IL2RB: variants seen among roughly 807,000 people sequenced by gnomAD.
IL2RB encodes interleukin 2 receptor subunit beta.
IL2RB carries 17 observed loss-of-function variants against 44.2 expected under a neutral mutation model. The ratio of observed to expected loss-of-function variants is 0.38; its 90% CI spans 0.26 to 0.58. The LOEUF (loss-of-function observed/expected upper bound fraction) is 0.58. Among genes scored for constraint, IL2RB ranks in the 20% least tolerant of loss-of-function variants. IL2RB has a pLI of 0.63. For missense variants in IL2RB, 624 were observed against 685.5 expected, an observed-to-expected ratio of 0.91 and a Z score of 1.00; for synonymous variants, 286 against 297.9, an observed-to-expected ratio of 0.96 and a Z score of 0.41.
chr22:37,156,100 C>G (rs1922671621), intron 1 of IL2RB, among the ~76,000 whole-genome samples: 1 of 152,234 alleles, frequency 6.6e-6, no homozygotes, highest in Non-Finnish European at 1.5e-5. Context: ...CCCTTGCGCT[C>G]AGCCTCCCTC....
Position 37,128,950 on chromosome 22 carries a change from C to T in IL2RB, c.904-102G>A, listed in dbSNP as rs80051711. 36,236 of 1,358,086 alleles carry T rather than the reference C, an allele frequency of 0.027. 586 individuals are homozygous for T. Among genetic ancestry groups the T allele is most frequent in the Middle Eastern group, 0.036 (135 of 3,788 alleles). 84.1% of individuals were successfully genotyped at this position (1,358,086 alleles called of 1,614,324 possible). On this transcript the variant is annotated intron_variant, in intron 9 of 9. Transcript: ENST00000216223. The surrounding 1 kb of genome is among the most constrained non-coding windows in gnomAD (Gnocchi z 4.5). ...CTCCTAACTCCTCCTCCTCCTGAAG[C>T]AGTTGGCCCAGGGCTGCCCCATCCA...
intron 3 of IL2RB, among the ~76,000 whole-genome samples, chr22:37,143,172 CCCT>C (rs1922050409): frequency 6.6e-6 from 1 of 152,110 alleles, no homozygotes; most frequent in East Asian, 1.9e-4. Context: ...AGCTTGGGGA[CCCT>C]CCTTTCTCCC....
intron 7 of IL2RB, 43 bp downstream of exon 7, chr22:37,136,185 C>T (rs1371157599): frequency 1.9e-6 from 3 of 1,575,350 alleles, no homozygotes; most frequent in East Asian, 2.3e-5. Context: ...CCAGCCGCCC[C>T]CTCCTGCCTG....
chr22:37,169,435 C>A (rs1923200234), intron 1 of IL2RB, among the ~76,000 whole-genome samples: 1 of 152,170 alleles, frequency 6.6e-6, no homozygotes, highest in Non-Finnish European at 1.5e-5. Context: ...CAGAGGGGTT[C>A]ATATTTGTTA....
At chr22:37,164,928 T>C (rs1923017792) in intron 1 of IL2RB, among the ~76,000 whole-genome samples, 1 of 151,854 alleles carries the variant, frequency 6.6e-6, no homozygotes. Flanking sequence ...GCATCAGCAT[T>C]CCCTGAGAGC....
chr22:37,142,624 G>C, intron 3 of IL2RB, 112 bp from the exon 4 acceptor site: 1 of 1,141,248 alleles, frequency 8.8e-7, no homozygotes. Context: ...AGCAAGGCCA[G>C]GCTGGGGCCC....
intron 1 of IL2RB, among the ~76,000 whole-genome samples, chr22:37,160,383 A>C (rs1922816845): frequency 6.6e-6 from 1 of 152,180 alleles, no homozygotes; most frequent in South Asian, 2.1e-4. Context: ...CATGATCACT[A>C]AGGAAGCCTA....
chr22:37,150,180 C>T (rs1335658625), upstream of IL2RB, among the ~76,000 whole-genome samples: 2 of 151,728 alleles, frequency 1.3e-5, no homozygotes, highest in East Asian at 1.9e-4. Context: ...GCCAAGGGAA[C>T]GCAGGCCCTC....
At position 37,127,495 on chromosome 22, in the gene IL2RB, G is replaced by A. The variant is rs1475340992; in HGVS notation, c.*601C>T. On this transcript the variant is annotated 3_prime_UTR_variant, in exon 10 of 10. Coordinates refer to ENST00000216223, the MANE Select transcript of IL2RB (RefSeq NM_000878.5). ...TGTGCAACAGAGGGGGTGTGAGGGAGCTCTGAGTGGCTCAGGAGGACGGTA... is the reference window on the plus strand; with the variant it reads ...TGTGCAACAGAGGGGGTGTGAGGGAACTCTGAGTGGCTCAGGAGGACGGTA... The A allele has an allele frequency of 6.6e-6, 1 of 152,242 alleles. No individual in the cohort carries two copies. Among genetic ancestry groups the A allele is most frequent in the Non-Finnish European group, 1.5e-5 (1 of 68,070 alleles). The allele number at this position is 152,242 out of a possible 1,614,324, so 9.4% of individuals were successfully genotyped here.
chr22:37,128,446 C>G lies in IL2RB; in HGVS notation c.1306G>C (p.Gly436Arg), dbSNP rs760070428. 1.3e-6 allele frequency: 2 copies of G among 1,552,804 alleles called. No individual in the cohort carries two copies. Among genetic ancestry groups the G allele is most frequent in the African/African-American group, 1.4e-5 (1 of 73,176 alleles). ...DLLLFSPSLL[G>R]GPSPPSTAPG... is the part of the protein sequence containing the mutation. ...GCAGTGCTTGGGGGGCTGGGGCCAC[C>G]GAGGAGACTGGGGGAGAAGAGCAGC... Residue 436 changes from glycine (G) to arginine (R), a missense_variant, in exon 10 of 10, where the codon GGT becomes CGT. Around this residue, in one of 3 missense-constraint regions of IL2RB, gnomAD observed 291 missense variants for 275.5 expected, o/e 1.06. Transcript: ENST00000216223. This position sits in a 1 kb window ranked among gnomAD's most constrained non-coding sequence, Gnocchi z 4.5.
In IL2RB at chr22:37,128,356, C is replaced by G; in HGVS notation, c.1396G>C (p.Asp466His). Residue 466 changes from aspartate to histidine, a missense_variant, in exon 10 of 10, where the codon GAC (aspartate) becomes CAC (histidine). By Grantham distance (81) the Asp-to-His change is moderately conservative (BLOSUM62 -1). This residue lies in a region of IL2RB where 291 missense variants were observed against 275.5 expected (regional missense o/e 1.06). Transcript: ENST00000216223. The surrounding 1 kb of genome is among the most constrained non-coding windows in gnomAD (Gnocchi z 4.5). ...PPSLQERVPR[D>H]WDPQPLGPPT... ...GGCCCCAGGGGCTGGGGGTCCCAGTCTCTGGGGACTCTTTCTTGCAAAGAA... is the reference window on the plus strand; with the variant it reads ...GGCCCCAGGGGCTGGGGGTCCCAGTGTCTGGGGACTCTTTCTTGCAAAGAA... 1 of 1,506,580 alleles carries G rather than the reference C, an allele frequency of 6.6e-7. No homozygotes were observed. Among genetic ancestry groups the G allele is most frequent in the Non-Finnish European group, 8.9e-7 (1 of 1,128,556 alleles). 93.3% of individuals were successfully genotyped at this position (1,506,580 alleles called of 1,614,324 possible).
upstream of IL2RB, among the ~76,000 whole-genome samples, chr22:37,152,748 T>C (rs1922540256): frequency 6.6e-6 from 1 of 151,604 alleles, no homozygotes; most frequent in African/African-American, 2.4e-5. Flanking sequence ...CTCAGGGCTC[T>C]TTTTTTTAAA....
At chr22:37,136,153 A>G in intron 7 of IL2RB, 75 bp downstream of exon 7, 1 of 1,456,348 alleles carries the variant, frequency 6.9e-7, no homozygotes, top group African/African-American at 1.4e-5. Context: ...CCAGGCAGGG[A>G]GAGAATGGAG....
chr22:37,138,316 C>T (rs1921805007), intron 5 of IL2RB, among the ~76,000 whole-genome samples: 1 of 152,234 alleles, frequency 6.6e-6, no homozygotes, highest in Non-Finnish European at 1.5e-5. Flanking sequence ...TGAGTGCTGA[C>T]TACATGGTAA....
At chr22:37,146,046 A>T (rs1042037225) in intron 1 of IL2RB, among the ~76,000 whole-genome samples, 1 of 152,048 alleles carries the variant, frequency 6.6e-6, no homozygotes, top group Non-Finnish European at 1.5e-5. Flanking sequence ...GCTCATCCCC[A>T]GCTCTTCTCC....
At chr22:37,161,326 T>C (rs1251942661) in intron 1 of IL2RB, among the ~76,000 whole-genome samples, 2 of 152,186 alleles carry the variant, frequency 1.3e-5, no homozygotes, top group East Asian at 3.8e-4. Context: ...CCCTGTTTCT[T>C]CTCAGGTGCT....
intron 1 of IL2RB, among the ~76,000 whole-genome samples, chr22:37,170,058 A>G (rs1342898481): frequency 1.2e-4 from 1 of 8,200 alleles, no homozygotes; most frequent in Non-Finnish European, 5.0e-4. Context: ...ATGGGGGAGA[A>G]GGAAGGAAGG....
chr22:37,133,980 CA>C (rs1455711978), intron 8 of IL2RB, among the ~76,000 whole-genome samples: 1 of 152,112 alleles, frequency 6.6e-6, no homozygotes, highest in Non-Finnish European at 1.5e-5. Flanking sequence ...CTACAGATTT[CA>C]ACAGAATCAT....
rs146343943 is a variant in IL2RB at position 37,142,598 on chromosome 22, C to T, written c.204-86G>A. 1,321 of 1,381,994 alleles carry T rather than the reference C, an allele frequency of 9.6e-4. 24 individuals carry two copies. In the East Asian group the frequency reaches 0.03, roughly 31 times the overall value. 85.6% of individuals were successfully genotyped at this position (1,381,994 alleles called of 1,614,324 possible). A position where few individuals can be genotyped will look rare whatever the true frequency, so the allele number is the denominator to read the frequency against. ...GACTCTTCTCAGATCTCTCTGCTGC[C>T]AGGATGGCACCAGGCAGCAAGGCCA... On this transcript the variant is annotated intron_variant, in intron 3 of 9. Coordinates refer to ENST00000216223, the MANE Select transcript of IL2RB (RefSeq NM_000878.5).
Sources: gnomAD v4.1 joint callset for allele counts (sites outside exome capture counted in the v4.1 genomes callset) on GRCh38, gnomAD v4.1.1 for gene constraint, gnomAD v4.1.1 regional missense constraint, Gnocchi (gnomAD v3.1) non-coding constraint, MANE v1.5 for transcripts, NCBI Gene and HGNC (gene_info 2026-07-23, HGNC 2026-07-21) for gene names.